ACACA: variants seen among roughly 807,000 people sequenced by gnomAD.
The protein encoded by ACACA is acetyl-CoA carboxylase alpha, also known as acetyl-CoA carboxylase 1.
In ACACA, 103 loss-of-function variants were observed where a neutral mutation model predicts 296.1. The ratio of observed to expected loss-of-function variants is 0.35; its 90% CI spans 0.30 to 0.41. The LOEUF (loss-of-function observed/expected upper bound fraction) is 0.41, where lower values mean the gene tolerates loss of function less well. Among genes scored for constraint, ACACA ranks in the 10% least tolerant of loss-of-function variants. The pLI is 1.00. For missense variants in ACACA, 1,554 were observed against 2,989.7 expected (o/e 0.52, Z 11.20); for synonymous variants, 953 against 1,038.6 (o/e 0.92, Z 1.58).
chr17:37,381,169 T>C (rs1246240632), intron 1 of ACACA, among the ~76,000 whole-genome samples: 1 of 151,986 alleles, frequency 6.6e-6, no homozygotes, highest in East Asian at 1.9e-4. Context: ...TTTGTTGTTA[T>C]TGTTATTTTG....
At chr17:37,233,456 C>T (rs975815105) in intron 25 of ACACA, among the ~76,000 whole-genome samples, 3 of 152,176 alleles carry the variant, frequency 2.0e-5, no homozygotes, top group Non-Finnish European at 2.9e-5. Flanking sequence ...ATTACTCTTC[C>T]GCTGCTCCAA....
At chr17:37,243,010 G>A (rs2080498190) in intron 22 of ACACA, among the ~76,000 whole-genome samples, 1 of 152,184 alleles carries the variant, frequency 6.6e-6, no homozygotes, top group Non-Finnish European at 1.5e-5. Context: ...CTCCAGCCTG[G>A]TGACAGAGCT....
intron 3 of ACACA, among the ~76,000 whole-genome samples, chr17:37,286,820 C>T (rs1033142413): frequency 9.9e-5 from 15 of 151,876 alleles, no homozygotes; most frequent in Admixed American, 3.3e-4. Context: ...GGTCCAGGCA[C>T]CAGCCCTCCA....
At chr17:37,186,475 G>T (rs1353930248) in intron 39 of ACACA, among the ~76,000 whole-genome samples, 2 of 152,198 alleles carry the variant, frequency 1.3e-5, no homozygotes, top group Non-Finnish European at 1.5e-5. Context: ...AACAGACATG[G>T]TTCTGTATTA....
At chr17:37,098,727 A>G (rs2073143337) in intron 52 of ACACA, among the ~76,000 whole-genome samples, 2 of 152,206 alleles carry the variant, frequency 1.3e-5, no homozygotes, top group South Asian at 4.1e-4. Context: ...GAGAAGGAGG[A>G]TGTAAAAAGA....
At chr17:37,088,576 G>GCTAA (rs1264578851) in intron 55 of ACACA, among the ~76,000 whole-genome samples, 1 of 152,208 alleles carries the variant, frequency 6.6e-6, no homozygotes, top group East Asian at 1.9e-4. Flanking sequence ...GAAGAATACA[G>GCTAA]CTAACTCTTG....
chr17:37,347,485 G>A (rs770018074), intron 1 of ACACA, among the ~76,000 whole-genome samples: 14 of 152,036 alleles, frequency 9.2e-5, no homozygotes, highest in South Asian at 4.1e-4. Flanking sequence ...TTGTGGAGAC[G>A]GGGTTTTGTT....
At chr17:37,225,949 CTTGA>C (rs2079525150) in intron 26 of ACACA, among the ~76,000 whole-genome samples, 1 of 152,192 alleles carries the variant, frequency 6.6e-6, no homozygotes, top group Admixed American at 6.5e-5. Flanking sequence ...GCTTTCCACA[CTTGA>C]TTATTTCCTG....
At chr17:37,271,633 T>C (rs1598371064) in intron 9 of ACACA, among the ~76,000 whole-genome samples, 1 of 151,750 alleles carries the variant, frequency 6.6e-6, no homozygotes, top group Admixed American at 6.6e-5. Flanking sequence ...CATCCATGTA[T>C]TACAATTAAA....
intron 39 of ACACA, 68 bp from the exon 40 acceptor site, chr17:37,181,424 C>T: frequency 6.4e-7 from 1 of 1,554,674 alleles, no homozygotes; most frequent in African/African-American, 1.4e-5. Context: ...CCTAGAGGGG[C>T]TTTTTTTGCA....
chr17:37,213,881 CT>C (rs11336184), intron 29 of ACACA, among the ~76,000 whole-genome samples: 2,579 of 152,192 alleles, frequency 0.017, 81 homozygotes, highest in African/African-American at 0.06. Flanking sequence ...TTCTGTGAGC[CT>C]TTTTACCATC....
At chr17:37,404,695 C>T (rs1461153424) in intron 1 of ACACA, among the ~76,000 whole-genome samples, 1 of 151,606 alleles carries the variant, frequency 6.6e-6, no homozygotes, top group African/African-American at 2.4e-5. Context: ...CTACCTCAGC[C>T]TCCCGAGTAG....
intron 1 of ACACA, among the ~76,000 whole-genome samples, chr17:37,356,772 A>C (rs2049162607): frequency 6.6e-6 from 1 of 152,174 alleles, no homozygotes. Context: ...CCCACAATTG[A>C]AAATACTAAT....
At chr17:37,298,803 G>A (rs746055530) in intron 3 of ACACA, among the ~76,000 whole-genome samples, 1 of 152,146 alleles carries the variant, frequency 6.6e-6, no homozygotes, top group East Asian at 1.9e-4. Flanking sequence ...GAAGGAGTTC[G>A]GCATCCTGAA....
intron 1 of ACACA, among the ~76,000 whole-genome samples, chr17:37,380,964 G>T (rs768943351): frequency 8.6e-5 from 13 of 151,406 alleles, no homozygotes; most frequent in Non-Finnish European, 1.8e-4. Context: ...TAGATTTATA[G>T]TGAAAAGTAA....
chr17:37,098,041 C>T, intron 52 of ACACA, 57 bp from the exon 53 acceptor site: 1 of 1,608,844 alleles, frequency 6.2e-7, no homozygotes, highest in African/African-American at 1.3e-5. Flanking sequence ...TCTCTCTGCA[C>T]AAAAGCAGCC....
chr17:37,258,446 C>A (rs758744360), intron 12 of ACACA, 73 bp from the exon 13 acceptor site: 191 of 1,462,060 alleles, frequency 1.3e-4, no homozygotes, highest in Non-Finnish European at 1.2e-4. Context: ...ATCAGATAAC[C>A]TAAAATATTT....
In ACACA at chr17:37,381,836, C is replaced by T. The variant is rs768702440; in HGVS notation, c.38+24426G>A. On this transcript the variant is annotated intron_variant, in intron 1 of 55. Transcript: ENST00000616317. ...TAGAGATGGGGTTTCACCGTGTTGG[C>T]CAGGATGGTCTCGATCGCCTGACCT... 4.0e-5 allele frequency among the ~76,000 whole-genome samples: 6 copies of T among 151,568 alleles called. No homozygotes were observed. In the East Asian group the frequency reaches 5.9e-4, roughly 15 times the overall value.
chr17:37,259,808 C>T (rs1476937824), intron 11 of ACACA, among the ~76,000 whole-genome samples: 1 of 151,980 alleles, frequency 6.6e-6, no homozygotes, highest in Non-Finnish European at 1.5e-5. Flanking sequence ...GGGACAGACT[C>T]TTGTCCAGTT....
Sources: gnomAD v4.1 joint callset for allele counts (sites outside exome capture counted in the v4.1 genomes callset) on GRCh38, gnomAD v4.1.1 for gene constraint, MANE v1.5 for transcripts, NCBI Gene and HGNC (gene_info 2026-07-23, HGNC 2026-07-21) for gene names.